USH2A: variants seen among roughly 807,000 people sequenced by gnomAD.
The protein encoded by USH2A is usherin.
A neutral mutation model predicts 538.9 loss-of-function variants in USH2A; 443 were observed. That is an observed-to-expected ratio of 0.82 (90% CI 0.76 to 0.89). The LOEUF (loss-of-function observed/expected upper bound fraction) is 0.89, where lower values mean the gene tolerates loss of function less well. Among genes scored for constraint, USH2A ranks in the 40% least tolerant of loss-of-function variants. The pLI is 0.00. For synonymous variants in USH2A, 2,413 were observed against 2,273.5 expected (o/e 1.06, Z -1.75); for missense variants, 6,633 against 6,324.8 (o/e 1.05, Z -1.65).
chr1:215,764,838 T>G (rs1202901872), intron 56 of USH2A, among the ~76,000 whole-genome samples: 2 of 152,140 alleles, frequency 1.3e-5, no homozygotes, highest in Non-Finnish European at 2.9e-5. Context: ...TATATTTATT[T>G]CATATATGGG....
chr1:215,694,439 T>G (rs1270331467), intron 61 of USH2A, among the ~76,000 whole-genome samples: 4 of 152,004 alleles, frequency 2.6e-5, no homozygotes, highest in African/African-American at 7.2e-5. Flanking sequence ...CGGGCGTGGT[T>G]GCGGGCACCT....
chr1:216,200,904 G>T (rs1478897837), intron 16 of USH2A, among the ~76,000 whole-genome samples: 1 of 151,554 alleles, frequency 6.6e-6, no homozygotes, highest in East Asian at 2.0e-4. Flanking sequence ...CCATTAAGCA[G>T]GGGTGCCCTA....
In USH2A at chr1:216,078,115, G is replaced by A; in HGVS notation, c.5546C>T (p.Ser1849Phe). ...TTGTTCCAAACACAAATGTTGATAA[G>A]AGTTCAGCAGTTCCTGTGGGATTCC... ...VGGIPQELLNSYQHLCLEQGF... is the reference protein window; with the variant it reads ...VGGIPQELLNFYQHLCLEQGF... Residue 1849 changes from serine (S) to phenylalanine (F), a missense_variant, in exon 27 of 72, where the codon TCT (serine) becomes TTT (phenylalanine). Ser to Phe is a radical substitution (Grantham distance 155). Coordinates refer to ENST00000307340, the MANE Select transcript of USH2A (RefSeq NM_206933.4). The A allele has an allele frequency of 1.9e-6, 3 of 1,613,634 alleles. No individual in the cohort carries two copies. The South Asian group carries it at 3.3e-5, about 18-fold the overall frequency.
chr1:216,123,782 A>G (rs1217558586), intron 21 of USH2A, among the ~76,000 whole-genome samples: 1 of 152,206 alleles, frequency 6.6e-6, no homozygotes, highest in African/African-American at 2.4e-5. Flanking sequence ...ACATAGAAAA[A>G]TAAGAGCTGG....
At chr1:215,817,621 C>T (rs1662895173) in intron 47 of USH2A, among the ~76,000 whole-genome samples, 2 of 152,090 alleles carry the variant, frequency 1.3e-5, no homozygotes, top group South Asian at 4.1e-4. Context: ...ACGGGAACAC[C>T]ATGATGGGAC....
chr1:216,190,226 C>A lies in USH2A; in HGVS notation c.4393G>T (p.Ala1465Ser), dbSNP rs764665130. 1 of 1,612,184 alleles carries A rather than the reference C, an allele frequency of 6.2e-7. No individual in the cohort carries two copies. Among genetic ancestry groups the A allele is most frequent in the Admixed American group, 1.7e-5 (1 of 59,796 alleles). ...SASGAGQTLAAAPAQLRPPLV... is the reference protein window; with the variant it reads ...SASGAGQTLASAPAQLRPPLV... The stretch of plus-strand genomic sequence containing the variant: ...ATATCCATTAAAACTTGCTTACCTG[C>A]TGCTAAAGTTTGTCCTGCTCCCGAA... Residue 1465 changes from alanine to serine, a missense_variant, in exon 20 of 72, where the codon GCA becomes TCA. Coordinates refer to ENST00000307340, the MANE Select transcript of USH2A (RefSeq NM_206933.4).
rs564698465 is a variant in USH2A at position 216,192,173 on chromosome 1, C to A, written c.4252-1806G>T. Among the ~76,000 whole-genome samples, 78 of 152,060 alleles carry A rather than the reference C, an allele frequency of 5.1e-4. 1 individual carries two copies. In the South Asian group the frequency reaches 0.015, roughly 30 times the overall value. ...CTACATCATCACCACTTTTACGTAT[C>A]CCCCCTGTCTCATTCTTAGGCAAAG... On this transcript the variant is annotated intron_variant, in intron 19 of 71. Transcript: ENST00000307340.
At chr1:216,376,775 T>C (rs1393618686) in intron 3 of USH2A, among the ~76,000 whole-genome samples, 3 of 152,078 alleles carry the variant, frequency 2.0e-5, no homozygotes, top group African/African-American at 7.2e-5. Context: ...TGTAGACAGA[T>C]ATATAGAAAA....
At chr1:216,067,611 C>G (rs1168394158) in intron 30 of USH2A, among the ~76,000 whole-genome samples, 1 of 151,834 alleles carries the variant, frequency 6.6e-6, no homozygotes, top group Non-Finnish European at 1.5e-5. Flanking sequence ...ATGACCTTAA[C>G]ACATATTTTG....
chr1:216,310,617 ATGG>A (rs1204058610), intron 9 of USH2A, among the ~76,000 whole-genome samples: 1 of 152,080 alleles, frequency 6.6e-6, no homozygotes, highest in African/African-American at 2.4e-5. Context: ...ATCCATTCTG[ATGG>A]TGAGAGCTAC....
At chr1:216,231,789 G>C (rs573184109) in intron 14 of USH2A, among the ~76,000 whole-genome samples, 164 bp downstream of exon 14, 1 of 152,184 alleles carries the variant, frequency 6.6e-6, no homozygotes, top group South Asian at 2.1e-4. Flanking sequence ...CTCGGACCTC[G>C]TGATCCGCCT....
chr1:215,864,907 C>T (rs1278486376), intron 44 of USH2A, among the ~76,000 whole-genome samples: 1 of 152,044 alleles, frequency 6.6e-6, no homozygotes, highest in Non-Finnish European at 1.5e-5. Context: ...ATGATGTGTA[C>T]ATGGGGAGGG....
At chr1:215,993,220 T>C in intron 34 of USH2A, 53 bp from the exon 35 acceptor site, 2 of 1,613,600 alleles carry the variant, frequency 1.2e-6, no homozygotes, top group Non-Finnish European at 1.7e-6. Flanking sequence ...AAAGTTTTCA[T>C]GAACATTGAG....
At chr1:215,722,083 AAG>A (rs1659680617) in intron 61 of USH2A, among the ~76,000 whole-genome samples, 2 of 140,260 alleles carry the variant, frequency 1.4e-5, no homozygotes, top group African/African-American at 5.2e-5. Context: ...AAAAAAAAAA[AAG>A]GGTTAGGCCG....
At chr1:216,043,984 G>A (rs1042868534) in intron 32 of USH2A, among the ~76,000 whole-genome samples, 1 of 150,826 alleles carries the variant, frequency 6.6e-6, no homozygotes, top group African/African-American at 2.4e-5. Context: ...CTATCTTCTT[G>A]TTTTTATTCC....
At chr1:215,803,258 A>G (rs946555272) in intron 49 of USH2A, among the ~76,000 whole-genome samples, 1 of 152,170 alleles carries the variant, frequency 6.6e-6, no homozygotes, top group Non-Finnish European at 1.5e-5. Context: ...CTCCTATTCA[A>G]CATAGGGTTG....
chr1:216,298,436 A>G (rs913872609), intron 9 of USH2A, among the ~76,000 whole-genome samples: 1 of 152,184 alleles, frequency 6.6e-6, no homozygotes, highest in Non-Finnish European at 1.5e-5. Flanking sequence ...CCTAATTGTA[A>G]ATAAGACTGG....
At chr1:215,835,586 T>C (rs575223417) in intron 47 of USH2A, among the ~76,000 whole-genome samples, 2 of 152,276 alleles carry the variant, frequency 1.3e-5, no homozygotes, top group African/African-American at 4.8e-5. Flanking sequence ...GACCCCTGGA[T>C]GCACAGCAAA....
At chr1:215,956,758 A>G (rs926520938) in intron 37 of USH2A, among the ~76,000 whole-genome samples, 2 of 152,180 alleles carry the variant, frequency 1.3e-5, no homozygotes, top group African/African-American at 4.8e-5. Flanking sequence ...ATATCAGACA[A>G]ATTCAATAAG....
Sources: allele counts gnomAD v4.1 joint callset (sites outside exome capture counted in the v4.1 genomes callset), GRCh38; gene constraint gnomAD v4.1.1; transcripts MANE v1.5; gene names NCBI Gene and HGNC (gene_info 2026-07-23, HGNC 2026-07-21).